The following PCDHA9 variants were observed in gnomAD, a reference collection of about 807,000 sequenced individuals.
The protein encoded by PCDHA9 is protocadherin alpha-9.
A neutral mutation model predicts 62.0 loss-of-function variants in PCDHA9; 62 were observed. The ratio of observed to expected loss-of-function variants is 1.00; its 90% CI spans 0.81 to 1.23. PCDHA9 has a LOEUF of 1.23. Ranked by LOEUF, PCDHA9 falls within the 50% of genes most tolerant of loss-of-function variation. The pLI is 0.00. For missense variants in PCDHA9, 1,205 were observed against 1,249.8 expected, an observed-to-expected ratio of 0.96 and a Z score of 0.54; for synonymous variants, 557 against 567.6, an observed-to-expected ratio of 0.98 and a Z score of 0.27.
At chr5:140,864,340 A>ACAT (rs1554158797) in intron 1 of PCDHA9, 2 of 152,232 alleles carry the variant, frequency 1.3e-5, no homozygotes, top group African/African-American at 4.8e-5. Flanking sequence ...TTGAGTTTAA[A>ACAT]ACATGTTTAA....
At chr5:140,910,682 C>G (rs1280217836) in intron 1 of PCDHA9, among the ~76,000 whole-genome samples, 2 of 152,198 alleles carry the variant, frequency 1.3e-5, no homozygotes, top group East Asian at 3.8e-4. Flanking sequence ...GGAGATCAGG[C>G]ATTTCCAGCT....
intron 1 of PCDHA9, chr5:140,967,711 G>C (rs557842321): frequency 6.2e-7 from 1 of 1,614,168 alleles, no homozygotes; most frequent in East Asian, 2.2e-5. Context: ...CCAGTACCGG[G>C]GAAGTGCGAG....
rs146722772 is a variant in PCDHA9, at chr5:140,848,558, C to T, written c.63C>T (p.Leu21=). The part of the protein sequence containing the change: ...GQPLLLSLLI[L]AMWVVGSGQL... ...CTCTACTGCTCTCGCTTCTGATCCTCGCAATGTGGGTGGTGGGGAGCGGCC... is the reference window on the plus strand; with the variant it reads ...CTCTACTGCTCTCGCTTCTGATCCTTGCAATGTGGGTGGTGGGGAGCGGCC... The change falls in exon 1 of 4, where the codon CTC becomes CTT. Residue 21 remains leucine (L), a synonymous_variant. Coordinates refer to ENST00000532602, the MANE Select transcript of PCDHA9 (RefSeq NM_031857.2). 8.8e-6 allele frequency: 14 copies of T among 1,595,498 alleles called. 1 individual carries two copies. In the African/African-American group the frequency reaches 1.6e-4, roughly 18 times the overall value.
chr5:140,880,978 T>A lies in PCDHA9; in HGVS notation c.2394+30089T>A, dbSNP rs570855539. Among the ~76,000 whole-genome samples the A allele has an allele frequency of 3.6e-4, 55 of 152,312 alleles. No individual in the cohort carries two copies. The South Asian group carries it at 9.1e-3, about 25-fold the overall frequency. On this transcript the variant is annotated intron_variant, in intron 1 of 3. Coordinates refer to ENST00000532602, the MANE Select transcript of PCDHA9 (RefSeq NM_031857.2). ...ATGAGGGTAAGAGAATACCAAATACTCTGCCTAAATTTTCAGAGGAGAGCA... is the reference window on the plus strand; with the variant it reads ...ATGAGGGTAAGAGAATACCAAATACACTGCCTAAATTTTCAGAGGAGAGCA...
At chr5:140,983,340 A>G (rs148799902) in intron 3 of PCDHA9, among the ~76,000 whole-genome samples, 114 of 152,358 alleles carry the variant, frequency 7.5e-4, no homozygotes, top group African/African-American at 2.2e-3. Flanking sequence ...TCACTAAAGC[A>G]GGGTCATGTA....
chr5:140,909,010 G>C (rs2074261521), intron 1 of PCDHA9, among the ~76,000 whole-genome samples: 1 of 152,120 alleles, frequency 6.6e-6, no homozygotes, highest in South Asian at 2.1e-4. Flanking sequence ...GAGGTAGAAG[G>C]TTCCTGAATT....
At chr5:140,882,551 C>A in intron 1 of PCDHA9, 1 of 1,614,216 alleles carries the variant, frequency 6.2e-7, no homozygotes, top group Non-Finnish European at 8.5e-7. Flanking sequence ...CCGCGAGGAG[C>A]TGTGTGGGCG....
chr5:140,915,882 C>T lies in PCDHA9; in HGVS notation c.2395-63067C>T, dbSNP rs181276676. Among the ~76,000 whole-genome samples, 3 of 152,314 alleles carry T rather than the reference C, an allele frequency of 2.0e-5. No homozygotes were observed. In the East Asian group the frequency reaches 5.8e-4, roughly 29 times the overall value. ...GTTTGCATCCTTCCCTTTAGGGTAG[C>T]AAGTTCCCCCTGGCCCTGGGCAGGC... On this transcript the variant is annotated intron_variant, in intron 1 of 3. Coordinates refer to ENST00000532602, the MANE Select transcript of PCDHA9 (RefSeq NM_031857.2).
chr5:140,908,399 C>T (rs180728730), intron 1 of PCDHA9, among the ~76,000 whole-genome samples: 51 of 152,258 alleles, frequency 3.3e-4, no homozygotes, highest in African/African-American at 9.9e-4. Flanking sequence ...ACATATATAC[C>T]ACTTCCATTT....
chr5:140,999,812 G>A (rs1305602487), intron 3 of PCDHA9, among the ~76,000 whole-genome samples: 2 of 152,270 alleles, frequency 1.3e-5, no homozygotes, highest in East Asian at 3.9e-4. Flanking sequence ...CACAAAGCAA[G>A]AGCTGTGGCT....
chr5:140,943,751 TAGG>T (rs1284418706), intron 1 of PCDHA9, among the ~76,000 whole-genome samples: 1 of 152,048 alleles, frequency 6.6e-6, no homozygotes, highest in Non-Finnish European at 1.5e-5. Flanking sequence ...CTAAAAGCAG[TAGG>T]AGATGTAGGA....
At chr5:140,924,263 G>T (rs1292368780) in intron 1 of PCDHA9, among the ~76,000 whole-genome samples, 3 of 152,148 alleles carry the variant, frequency 2.0e-5, no homozygotes, top group African/African-American at 7.2e-5. Context: ...ATCTAATGAG[G>T]TCTGTACTTG....
intron 1 of PCDHA9, chr5:140,870,562 G>A: frequency 6.2e-7 from 1 of 1,613,996 alleles, no homozygotes; most frequent in Non-Finnish European, 8.5e-7. Context: ...GCAGGAGAAC[G>A]CGCTGGTGTC....
intron 1 of PCDHA9, chr5:140,927,135 G>T: frequency 6.2e-7 from 1 of 1,614,062 alleles, no homozygotes; most frequent in Non-Finnish European, 8.5e-7. Flanking sequence ...GAGAGCCGGC[G>T]GACCGCGAAC....
At chr5:140,897,356 C>T (rs1554187343) in intron 1 of PCDHA9, among the ~76,000 whole-genome samples, 1 of 134,770 alleles carries the variant, frequency 7.4e-6, no homozygotes, top group African/African-American at 2.8e-5. Flanking sequence ...ACAACTGTCC[C>T]CAGAGTGTGA....
chr5:140,870,218 G>A, intron 1 of PCDHA9: 1 of 1,614,172 alleles, frequency 6.2e-7, no homozygotes, highest in Non-Finnish European at 8.5e-7. Context: ...GCCCTGATCA[G>A]CGTGTCTGAC....
intron 1 of PCDHA9, among the ~76,000 whole-genome samples, chr5:140,931,212 T>A (rs556351535): frequency 3.5e-4 from 54 of 152,168 alleles, no homozygotes; most frequent in Non-Finnish European, 3.5e-4. Context: ...GTATTTCAGG[T>A]ATCAGAGCAC....
intron 1 of PCDHA9, chr5:140,929,943 A>G (rs996777609): frequency 1.3e-5 from 2 of 152,224 alleles, no homozygotes; most frequent in African/African-American, 4.8e-5. Flanking sequence ...TCTCTAGCCT[A>G]TACTTTTAAT....
Position 141,010,117 on chromosome 5 carries a change from T to C in PCDHA9, c.*180T>C. Reference sequence around the variant, plus strand: ...TTTAACAGGTTTTGTCGTAAAAGCTTTACTAAGTCTGGTGTTAACTCTTTC... The same window carrying C: ...TTTAACAGGTTTTGTCGTAAAAGCTCTACTAAGTCTGGTGTTAACTCTTTC... On this transcript the variant is annotated 3_prime_UTR_variant, in exon 4 of 4. Transcript: ENST00000532602. 1 of 1,608,612 alleles carries C rather than the reference T, an allele frequency of 6.2e-7. No individual in the cohort carries two copies. The highest frequency in any genetic ancestry group is 8.5e-7 in the Non-Finnish European group (1 of 1,177,044).
Sources: allele counts gnomAD v4.1 joint callset (sites outside exome capture counted in the v4.1 genomes callset), GRCh38; gene constraint gnomAD v4.1.1; transcripts MANE v1.5; gene names NCBI Gene and HGNC (gene_info 2026-07-23, HGNC 2026-07-21).